Variants in DMD observed in about 807,000 individuals in gnomAD.
DMD encodes the protein mutant dystrophin.
Under a neutral mutation model 330.1 loss-of-function variants are expected in DMD, and 63 were observed. That is an observed-to-expected ratio of 0.19 (90% CI 0.16 to 0.24). The LOEUF (loss-of-function observed/expected upper bound fraction) is 0.24. Among genes scored for constraint, DMD ranks in the 10% least tolerant of loss-of-function variants. The probability of loss-of-function intolerance (pLI) is 1.00; values close to 1 mark genes in which losing one functional copy is unlikely to be tolerated. For synonymous variants in DMD, 1,223 were observed against 959.8 expected, an observed-to-expected ratio of 1.27 and a Z score of -5.07; for missense variants, 3,344 against 2,684.1, an observed-to-expected ratio of 1.25 and a Z score of -5.43.
At chrX:31,228,660 C>T (rs1224911817) in intron 63 of DMD, among the ~76,000 whole-genome samples, 1 of 111,658 alleles carries the variant, frequency 9.0e-6, no homozygotes, top group Non-Finnish European at 1.9e-5. Context: ...TTCCCGTGCC[C>T]CATGAGAGAC....
At chrX:32,477,230 A>T (rs1363411813) in intron 21 of DMD, among the ~76,000 whole-genome samples, 1 of 110,690 alleles carries the variant, frequency 9.0e-6, no homozygotes, top group East Asian at 2.8e-4. Context: ...GCTTGGAAGC[A>T]CGTGCTGTAA....
In DMD at chrX:32,463,624, G is replaced by A. The variant is rs72468660; in HGVS notation, c.3277-30C>T. On this transcript the variant is annotated intron_variant, in intron 24 of 78. Coordinates refer to ENST00000357033, the MANE Select transcript of DMD (RefSeq NM_004006.3). Reference sequence around the variant, plus strand: ...GAAAATAAATCAATTTAAGCCAGCTGAAAAAAATTACTGCCACATATTAGA... The same window carrying A: ...GAAAATAAATCAATTTAAGCCAGCTAAAAAAAATTACTGCCACATATTAGA... 1.9e-3 allele frequency: 2,086 copies of A among 1,084,608 alleles called. 54 individuals carry two copies. In the Admixed American group the frequency reaches 0.057, roughly 30 times the overall value. The allele number at this position is 1,084,608 out of a possible 1,213,427, so 89.4% of individuals were successfully genotyped here. A position where few individuals can be genotyped will look rare whatever the true frequency, so the allele number is the denominator to read the frequency against.
At chrX:31,804,815 T>C (rs1428587312) in intron 50 of DMD, among the ~76,000 whole-genome samples, 2 of 109,749 alleles carry the variant, frequency 1.8e-5, no homozygotes, top group Non-Finnish European at 3.8e-5. Flanking sequence ...CTACTTATCC[T>C]TCAAGTCTCA....
chrX:32,958,667 C>T (rs2091730386), intron 2 of DMD, among the ~76,000 whole-genome samples: 1 of 111,543 alleles, frequency 9.0e-6, no homozygotes, highest in African/African-American at 3.3e-5. Flanking sequence ...GTCAGCTTTG[C>T]AAATGGTATT....
chrX:31,620,729 T>C (rs911111257), intron 55 of DMD, among the ~76,000 whole-genome samples: 2 of 111,620 alleles, frequency 1.8e-5, no homozygotes, highest in African/African-American at 6.5e-5. Context: ...ATATGAATTT[T>C]ATGCCAAAGC....
intron 2 of DMD, among the ~76,000 whole-genome samples, chrX:32,888,187 G>A (rs2084855079): frequency 1.8e-5 from 2 of 110,256 alleles, no homozygotes; most frequent in African/African-American, 6.6e-5. Flanking sequence ...TGCAGAACGT[G>A]CAGGCTTCTT....
At chrX:32,158,644 C>A (rs2096838612) in intron 44 of DMD, among the ~76,000 whole-genome samples, 1 of 110,893 alleles carries the variant, frequency 9.0e-6, no homozygotes, top group Non-Finnish European at 1.9e-5. Context: ...CAGTATCTAC[C>A]CAACCGTCAA....
intron 44 of DMD, among the ~76,000 whole-genome samples, chrX:32,165,214 C>A (rs989316027): frequency 8.9e-6 from 1 of 112,468 alleles, no homozygotes; most frequent in African/African-American, 3.2e-5. Context: ...CAACAGCTTG[C>A]ACCACGTGCC....
chrX:33,008,952 G>C (rs1161518356), intron 2 of DMD, among the ~76,000 whole-genome samples: 1 of 92,572 alleles, frequency 1.1e-5, no homozygotes, highest in Non-Finnish European at 2.1e-5. Context: ...GTATATATAC[G>C]TATATATACA....
chrX:32,066,454 T>C (rs1288020846), intron 44 of DMD, among the ~76,000 whole-genome samples: 2 of 111,306 alleles, frequency 1.8e-5, no homozygotes, highest in Non-Finnish European at 3.8e-5. Context: ...CCCTTACTAC[T>C]TCATGCTTTT....
At chrX:32,786,858 T>C (rs997739642) in intron 7 of DMD, among the ~76,000 whole-genome samples, 2 of 111,854 alleles carry the variant, frequency 1.8e-5, no homozygotes, top group African/African-American at 6.5e-5. Context: ...TAATAGTCTC[T>C]ACCTCCTAGA....
intron 30 of DMD, among the ~76,000 whole-genome samples, chrX:32,395,793 G>T (rs1006039436): frequency 1.8e-5 from 2 of 111,028 alleles, no homozygotes; most frequent in Non-Finnish European, 3.8e-5. Flanking sequence ...CAGAGTGTGT[G>T]TGCTTAATTT....
chrX:32,581,572 C>T (rs1483354111), intron 13 of DMD, among the ~76,000 whole-genome samples: 2 of 111,835 alleles, frequency 1.8e-5, no homozygotes, highest in Non-Finnish European at 3.8e-5. Context: ...ACAAATGATT[C>T]GAGCTGACTC....
intron 63 of DMD, among the ~76,000 whole-genome samples, chrX:31,236,810 CTTTA>C (rs755764313): frequency 2.6e-4 from 29 of 112,030 alleles, no homozygotes; most frequent in Admixed American, 4.7e-4. Flanking sequence ...AAAATTTCCT[CTTTA>C]TTTATAGCTC....
intron 52 of DMD, among the ~76,000 whole-genome samples, chrX:31,714,751 A>G (rs749467433): frequency 3.6e-5 from 4 of 112,227 alleles, no homozygotes; most frequent in African/African-American, 6.5e-5. Flanking sequence ...AAATAATGAA[A>G]TGATACAATT....
In DMD at chrX:31,559,422, C is replaced by G. The variant is rs1182991856; in HGVS notation, c.8218-51969G>C. On this transcript the variant is annotated intron_variant, in intron 55 of 78. Coordinates refer to ENST00000357033, the MANE Select transcript of DMD (RefSeq NM_004006.3). The stretch of plus-strand genomic sequence containing the variant: ...CTTTGGGAGGCCGAGACGGGCGGAT[C>G]ACGAGGTCAGGAGATCGAGACCATC... 5.3e-5 allele frequency among the ~76,000 whole-genome samples: 4 copies of G among 75,771 alleles called. 1 individual carries two copies. Among genetic ancestry groups the G allele is most frequent in the Admixed American group, 3.2e-4 (2 of 6,306 alleles). The allele number at this position is 75,771 out of a possible 115,157, so 65.8% of individuals were successfully genotyped here. A position where few individuals can be genotyped will look rare whatever the true frequency, so the allele number is the denominator to read the frequency against.
intron 45 of DMD, among the ~76,000 whole-genome samples, chrX:31,962,607 CT>C (rs2095316728): frequency 9.0e-6 from 1 of 111,661 alleles, no homozygotes; most frequent in African/African-American, 3.3e-5. Flanking sequence ...TAATGAGTGC[CT>C]AGTAGCCAGA....
intron 44 of DMD, among the ~76,000 whole-genome samples, chrX:32,085,605 TGTATATATATAC>T (rs1557121331): frequency 1.0e-5 from 1 of 96,996 alleles, no homozygotes; most frequent in Non-Finnish European, 2.0e-5. Flanking sequence ...TGTATATATG[TGTATATATATAC>T]GTATATATAT....
intron 64 of DMD, among the ~76,000 whole-genome samples, chrX:31,210,299 C>G (rs1208230119): frequency 2.7e-5 from 3 of 111,982 alleles, no homozygotes; most frequent in African/African-American, 9.7e-5. Flanking sequence ...ATTGCATAAT[C>G]TATCCAGTTT....
Sources: allele counts gnomAD v4.1 joint callset (sites outside exome capture counted in the v4.1 genomes callset), GRCh38; gene constraint gnomAD v4.1.1; transcripts MANE v1.5; gene names NCBI Gene and HGNC (gene_info 2026-07-23, HGNC 2026-07-21).